Variants in NELL1 observed in about 807,000 individuals in gnomAD.
NELL1 encodes neural EGFL like 1.
In NELL1, 76 loss-of-function variants were observed where a neutral mutation model predicts 107.4. The observed-to-expected ratio is 0.71, with a 90% CI of 0.59 to 0.86. The LOEUF (loss-of-function observed/expected upper bound fraction) is 0.86, where lower values mean the gene tolerates loss of function less well. NELL1 is among the 40% of genes least tolerant of loss of function. NELL1 has a pLI of 0.00. For synonymous variants in NELL1, 353 were observed against 341.2 expected (o/e 1.03, Z -0.38); for missense variants, 1,024 against 1,005.5 (o/e 1.02, Z -0.25).
intron 12 of NELL1, among the ~76,000 whole-genome samples, chr11:20,975,485 A>G (rs2134235281): frequency 6.8e-6 from 1 of 147,928 alleles, no homozygotes; most frequent in South Asian, 2.1e-4. Flanking sequence ...CTTCATGGAT[A>G]TAGCTACATA....
At chr11:21,102,923 T>G (rs1276186607) in intron 12 of NELL1, among the ~76,000 whole-genome samples, 1 of 152,218 alleles carries the variant, frequency 6.6e-6, no homozygotes, top group Admixed American at 6.5e-5. Context: ...CATAATAAGG[T>G]CATAGATATA....
chr11:21,137,953 A>T (rs958644782), intron 13 of NELL1, among the ~76,000 whole-genome samples: 1 of 152,194 alleles, frequency 6.6e-6, no homozygotes, highest in Non-Finnish European at 1.5e-5. Context: ...GCGCTACCCT[A>T]TGTAAATAGA....
chr11:20,852,292 A>G (rs1564934260), intron 4 of NELL1, among the ~76,000 whole-genome samples: 1 of 152,256 alleles, frequency 6.6e-6, no homozygotes, highest in Non-Finnish European at 1.5e-5. Context: ...CTTTTAACAC[A>G]TGCTATTTAT....
At chr11:20,951,900 C>A in intron 11 of NELL1, among the ~76,000 whole-genome samples, 1 of 151,998 alleles carries the variant, frequency 6.6e-6, no homozygotes, top group East Asian at 1.9e-4. Flanking sequence ...GTAGCAGGAG[C>A]CTGACCACTT....
At chr11:21,567,553 A>T (rs1361028967) in intron 17 of NELL1, among the ~76,000 whole-genome samples, 2 of 151,894 alleles carry the variant, frequency 1.3e-5, no homozygotes, top group Non-Finnish European at 2.9e-5. Context: ...GTATAGTAAA[A>T]GAGCCAATGC....
chr11:20,860,480 C>A (rs1848959312), intron 4 of NELL1, among the ~76,000 whole-genome samples: 1 of 152,156 alleles, frequency 6.6e-6, no homozygotes, highest in Non-Finnish European at 1.5e-5. Flanking sequence ...ATTGTTATTT[C>A]TTTGCCTCAG....
chr11:20,757,908 AAC>A (rs1176689171), intron 2 of NELL1, among the ~76,000 whole-genome samples: 1 of 152,194 alleles, frequency 6.6e-6, no homozygotes, highest in African/African-American at 2.4e-5. Flanking sequence ...ACAGAAATTT[AAC>A]AGTTTTAGAG....
At chr11:20,901,910 A>G (rs1564958400) in intron 5 of NELL1, among the ~76,000 whole-genome samples, 2 of 152,104 alleles carry the variant, frequency 1.3e-5, no homozygotes, top group Admixed American at 6.6e-5. Flanking sequence ...AACATTATAT[A>G]TATATTATAG....
At chr11:20,752,605 C>G in intron 2 of NELL1, among the ~76,000 whole-genome samples, 1 of 152,202 alleles carries the variant, frequency 6.6e-6, no homozygotes, top group South Asian at 2.1e-4. Context: ...TGTCAAGTGT[C>G]TTTTTTGCAT....
chr11:21,045,911 C>G (rs1217718994), intron 12 of NELL1, among the ~76,000 whole-genome samples: 1 of 152,100 alleles, frequency 6.6e-6, no homozygotes, highest in Non-Finnish European at 1.5e-5. Context: ...CACATATGTC[C>G]TCTCTGAATA....
intron 18 of NELL1, 137 bp from the exon 19 acceptor site, chr11:21,573,048 T>C (rs951838547): frequency 4.5e-6 from 3 of 669,250 alleles, no homozygotes; most frequent in African/African-American, 3.6e-5. Flanking sequence ...AAGGAGGAAG[T>C]GTACTTTATC....
At chr11:21,534,352 C>G in intron 15 of NELL1, 22 bp from the exon 16 acceptor site, 2 of 1,613,414 alleles carry the variant, frequency 1.2e-6, no homozygotes, top group South Asian at 2.2e-5. Flanking sequence ...TCCTGGTGGG[C>G]TTGTGTTTTT....
Position 21,337,843 on chromosome 11 carries a change from T to TGC in NELL1, c.1550-33010_1550-33009insGC, listed in dbSNP as rs1443843254. ...TTCTTTCTTTCTTTCTTTCTTTTCT[T>TGC]TCTTTCTTTCTTTCTTTCTTTCTTT... is the stretch of plus-strand genomic sequence containing the variant. On this transcript the variant is annotated intron_variant, in intron 14 of 19. Transcript: ENST00000357134. 3.3e-3 allele frequency among the ~76,000 whole-genome samples: 490 copies of TGC among 146,598 alleles called. 8 individuals are homozygous for TGC. The highest frequency in any genetic ancestry group is 0.012 in the African/African-American group (461 of 38,628).
At chr11:21,126,781 C>A (rs1338477827) in intron 13 of NELL1, among the ~76,000 whole-genome samples, 2 of 152,220 alleles carry the variant, frequency 1.3e-5, no homozygotes, top group African/African-American at 4.8e-5. Flanking sequence ...AGTGTTCAGA[C>A]TGGGAAGATG....
chr11:20,710,578 T>C (rs1036253505), intron 2 of NELL1, among the ~76,000 whole-genome samples: 1 of 152,118 alleles, frequency 6.6e-6, no homozygotes, highest in Admixed American at 6.5e-5. Context: ...TTAGGGAGAA[T>C]GCCATCCTTT....
chr11:21,199,988 T>A (rs556943187), intron 13 of NELL1, among the ~76,000 whole-genome samples: 2 of 152,352 alleles, frequency 1.3e-5, no homozygotes, highest in South Asian at 4.1e-4. Context: ...ATCCGTTTTA[T>A]GGCCGCATAG....
At chr11:20,929,461 C>T (rs1332657227) in intron 9 of NELL1, among the ~76,000 whole-genome samples, 1 of 150,532 alleles carries the variant, frequency 6.6e-6, no homozygotes, top group Non-Finnish European at 1.5e-5. Flanking sequence ...ATGGTTGGCA[C>T]ACTGCACCCA....
At chr11:21,146,965 A>G (rs1855995156) in intron 13 of NELL1, among the ~76,000 whole-genome samples, 1 of 152,042 alleles carries the variant, frequency 6.6e-6, no homozygotes, top group Admixed American at 6.6e-5. Flanking sequence ...AATTGCTTGA[A>G]CCCAGGAGGC....
At chr11:20,735,698 G>T (rs778094449) in intron 2 of NELL1, among the ~76,000 whole-genome samples, 40 of 152,174 alleles carry the variant, frequency 2.6e-4, no homozygotes, top group Non-Finnish European at 5.6e-4. Flanking sequence ...TTGAAGTAAG[G>T]TTAAAAGAGA....
Sources: gnomAD v4.1 joint callset for allele counts (sites outside exome capture counted in the v4.1 genomes callset) on GRCh38, gnomAD v4.1.1 for gene constraint, MANE v1.5 for transcripts, NCBI Gene and HGNC (gene_info 2026-07-23, HGNC 2026-07-21) for gene names.